The following PALM variants were observed in gnomAD, a reference collection of about 807,000 sequenced individuals.
PALM encodes the protein paralemmin.
PALM carries 18 observed loss-of-function variants against 30.7 expected under a neutral mutation model. The ratio of observed to expected loss-of-function variants is 0.59; its 90% CI spans 0.41 to 0.87. The LOEUF (loss-of-function observed/expected upper bound fraction) is 0.87. PALM is among the 40% of genes least tolerant of loss of function. PALM has a pLI of 0.00. For synonymous variants in PALM, 286 were observed against 242.8 expected (o/e 1.18, Z -1.66); for missense variants, 529 against 555.4 (o/e 0.95, Z 0.48).
At chr19:735,493 G>C (rs112802612) in intron 6 of PALM, among the ~76,000 whole-genome samples, 4 of 64,978 alleles carry the variant, frequency 6.2e-5, no homozygotes, top group African/African-American at 2.7e-4. Context: ...GCCTGTGTCC[G>C]GGTGTCTGGG....
chr19:725,657 T>A (rs2032637214), intron 1 of PALM, among the ~76,000 whole-genome samples: 4 of 152,130 alleles, frequency 2.6e-5, no homozygotes, highest in Non-Finnish European at 5.9e-5. Flanking sequence ...CTCGTCTCCC[T>A]GTCTGGGCTT....
rs1277911568 is a variant in PALM at position 746,202 on chromosome 19, G to A, written c.635-83G>A. The A allele has an allele frequency of 2.8e-6, 3 of 1,075,064 alleles. No homozygotes were observed. In the African/African-American group the frequency reaches 4.7e-5, roughly 17 times the overall value. The allele number at this position is 1,075,064 out of a possible 1,614,324, so 66.6% of individuals were successfully genotyped here. A position where few individuals can be genotyped will look rare whatever the true frequency, so the allele number is the denominator to read the frequency against. The stretch of plus-strand genomic sequence containing the variant: ...GGAGGAGGATACAAGCCTTGCCAAG[G>A]TTTCCCTCCTGCCTGAGCCAGGTCA... On this transcript the variant is annotated intron_variant, in intron 8 of 8. Transcript: ENST00000338448. This position sits in a 1 kb window ranked among gnomAD's most constrained non-coding sequence, Gnocchi z 7.1.
chr19:731,726 T>TG (rs2032886234), intron 5 of PALM, among the ~76,000 whole-genome samples: 1 of 152,034 alleles, frequency 6.6e-6, no homozygotes, highest in African/African-American at 2.4e-5. Flanking sequence ...TGGAGTGTAG[T>TG]GGTACAGTCT....
intron 4 of PALM, among the ~76,000 whole-genome samples, chr19:729,925 G>A (rs1447730589): frequency 6.6e-6 from 1 of 152,224 alleles, no homozygotes; most frequent in African/African-American, 2.4e-5. Context: ...GGCCGTGGGG[G>A]CTGGGCACAC....
At chr19:716,964 C>T in intron 1 of PALM, among the ~76,000 whole-genome samples, 1 of 151,528 alleles carries the variant, frequency 6.6e-6, no homozygotes, top group Non-Finnish European at 1.5e-5. Context: ...CAGAGTCTCT[C>T]TGTCACATAG....
intron 1 of PALM, among the ~76,000 whole-genome samples, chr19:717,594 C>A (rs1002661712): frequency 7.9e-5 from 12 of 152,098 alleles, no homozygotes; most frequent in African/African-American, 1.7e-4. Flanking sequence ...CTGTAGTTAC[C>A]CCCCGAGATG....
intron 1 of PALM, chr19:719,404 A>T: frequency 1.0e-6 from 1 of 985,178 alleles, no homozygotes; most frequent in Non-Finnish European, 1.2e-6. Context: ...CCGGGCCCCG[A>T]GCCGCCCACA....
At chr19:740,968 C>CAAAA (rs60937470) in intron 8 of PALM, among the ~76,000 whole-genome samples, 1 of 93,798 alleles carries the variant, frequency 1.1e-5, no homozygotes, top group Non-Finnish European at 2.3e-5. Flanking sequence ...CCGTCTCTAC[C>CAAAA]AAAAAAAAAA....
intron 7 of PALM, 73 bp downstream of exon 7, chr19:736,151 G>C: frequency 9.1e-7 from 1 of 1,098,722 alleles, no homozygotes; most frequent in Non-Finnish European, 1.4e-6. Context: ...CGGGGGGCCG[G>C]GTGGGGCGGG....
At chr19:719,033 C>G (rs1275951645) in intron 1 of PALM, 1 of 790,318 alleles carries the variant, frequency 1.3e-6, no homozygotes, top group Admixed American at 6.2e-5. Context: ...GCGTGACTCC[C>G]CCACCCCCCA....
intron 2 of PALM, 57 bp from the exon 3 acceptor site, chr19:726,951 G>A: frequency 9.7e-7 from 1 of 1,029,678 alleles, no homozygotes. Flanking sequence ...GTGTGGGGGT[G>A]GGGGGGTCTC....
At chr19:723,540 A>T (rs572803161) in intron 1 of PALM, among the ~76,000 whole-genome samples, 49 of 152,132 alleles carry the variant, frequency 3.2e-4, no homozygotes, top group Non-Finnish European at 6.3e-4. Context: ...GGTCAAGGCC[A>T]AGCTCAGCCC....
chr19:731,159 G>A lies in PALM; in HGVS notation c.334G>A (p.Ala112Thr), dbSNP rs747718315. Reference protein sequence around the residue: ...DSAPATAKENAAAPSPVRAPA... With the variant: ...DSAPATAKENTAAPSPVRAPA... ...CGCCCCAGCCACTGCCAAGGAGAAC[G>A]CGGCGGCCCCGAGCCCAGTCCGGGC... Residue 112 changes from alanine (A) to threonine (T), a missense_variant, in exon 5 of 9, where the codon GCG (alanine) becomes ACG (threonine). Ala to Thr is a moderately conservative substitution (Grantham distance 58). Transcript: ENST00000338448. 1.1e-5 allele frequency: 18 copies of A among 1,609,126 alleles called. No individual in the cohort carries two copies. The highest frequency in any genetic ancestry group is 2.7e-5 in the African/African-American group (2 of 74,842).
At chr19:745,219 G>A (rs2033304530) in intron 8 of PALM, among the ~76,000 whole-genome samples, 1 of 152,144 alleles carries the variant, frequency 6.6e-6, no homozygotes, top group South Asian at 2.1e-4. Context: ...AGTTCCCCAG[G>A]GTGGGTGGTC....
intron 3 of PALM, 98 bp downstream of exon 3, chr19:727,186 A>AGC (rs2032699493): frequency 2.6e-6 from 2 of 765,284 alleles, no homozygotes; most frequent in Admixed American, 2.3e-5. Flanking sequence ...CCCAATCCCA[A>AGC]CCTGACCCTG....
chr19:720,026 C>T (rs1001710909), intron 1 of PALM, among the ~76,000 whole-genome samples: 3 of 151,586 alleles, frequency 2.0e-5, no homozygotes, highest in Non-Finnish European at 4.4e-5. Context: ...GATGGAAGCC[C>T]CTTCCTGGGC....
rs1200945606 is a variant in PALM at position 736,087 on chromosome 19, G to T, written c.502+9G>T. ...CCCCATGATGAAGGCAGGTGGGTTG[G>T]CCCCCAGGCTCTGGGCCCCAGATCC... On this transcript the variant is annotated intron_variant, in intron 7 of 8. Transcript: ENST00000338448. 1 of 1,593,520 alleles carries T rather than the reference G, an allele frequency of 6.3e-7. No homozygotes were observed. Among genetic ancestry groups the T allele is most frequent in the African/African-American group, 1.3e-5 (1 of 74,286 alleles).
At chr19:711,931 C>T (rs373551574) in intron 1 of PALM, among the ~76,000 whole-genome samples, 9 of 151,992 alleles carry the variant, frequency 5.9e-5, no homozygotes, top group Admixed American at 4.6e-4. Flanking sequence ...GAAGTGCAGG[C>T]GTAATTTATT....
At position 726,992 on chromosome 19, in the gene PALM, CCGGCCCT is replaced by C; in HGVS notation, c.58-14_58-8del. ...CCCCCACGCCCATCCCTGACCCCAC[CCGGCCCT>C]CCCCACAGGAGAAGCGGAAGCGGCA... On this transcript the variant is annotated splice_polypyrimidine_tract_variant and intron_variant, in intron 2 of 8. Transcript: ENST00000338448. 1 of 1,309,488 alleles carries C rather than the reference CCGGCCCT, an allele frequency of 7.6e-7. No homozygotes were observed. The highest frequency in any genetic ancestry group is 1.1e-6 in the Non-Finnish European group (1 of 937,898). 81.1% of individuals were successfully genotyped at this position (1,309,488 alleles called of 1,614,324 possible).
Sources: gnomAD v4.1 joint callset for allele counts (sites outside exome capture counted in the v4.1 genomes callset) on GRCh38, gnomAD v4.1.1 for gene constraint, Gnocchi (gnomAD v3.1) non-coding constraint, MANE v1.5 for transcripts, NCBI Gene and HGNC (gene_info 2026-07-23, HGNC 2026-07-21) for gene names.